EPHX1: variants seen among roughly 807,000 people sequenced by gnomAD.
EPHX1 encodes epoxide hydrolase 1.
A neutral mutation model predicts 43.2 loss-of-function variants in EPHX1; 40 were observed. The ratio of observed to expected loss-of-function variants is 0.93; its 90% CI spans 0.72 to 1.21. The LOEUF (loss-of-function observed/expected upper bound fraction) is 1.21, where lower values mean the gene tolerates loss of function less well. Among genes scored for constraint, EPHX1 ranks in the 50% most tolerant of loss-of-function variants. The probability of loss-of-function intolerance (pLI) is 0.00; values close to 1 mark genes in which losing one functional copy is unlikely to be tolerated. For missense variants in EPHX1, 550 were observed against 570.4 expected (o/e 0.96, Z 0.36); for synonymous variants, 221 against 226.7 (o/e 0.98, Z 0.22).
chr1:225,836,186 G>A (rs945494412), intron 3 of EPHX1, among the ~76,000 whole-genome samples: 1 of 152,224 alleles, frequency 6.6e-6, no homozygotes. Context: ...GCTCAGTGGT[G>A]TGTGAGTCCT....
chr1:225,840,899 A>G (rs549657877), intron 6 of EPHX1: 3 of 152,378 alleles, frequency 2.0e-5, no homozygotes, highest in African/African-American at 7.2e-5. Flanking sequence ...TAATAATGGC[A>G]CTTTATAAAA....
At chr1:225,821,313 C>T (rs373225749) in intron 1 of EPHX1, among the ~76,000 whole-genome samples, 2 of 151,566 alleles carry the variant, frequency 1.3e-5, no homozygotes, top group East Asian at 3.9e-4. Flanking sequence ...GGGGCAATCT[C>T]GGCTCACTGC....
At chr1:225,826,446 T>TAAAAAA (rs1667240103) in intron 1 of EPHX1, among the ~76,000 whole-genome samples, 2 of 14,390 alleles carry the variant, frequency 1.4e-4, no homozygotes, top group Admixed American at 7.8e-4. Context: ...AGACTCTGTC[T>TAAAAAA]CAAAAAAAAA....
rs557100177 is a variant in EPHX1, at chr1:225,828,892, A to G, written c.163A>G (p.Thr55Ala). Reference protein sequence around the residue: ...DDSIRPFKVETSDEEIHDLHQ... With the variant: ...DDSIRPFKVEASDEEIHDLHQ... ...CAGCATCCGCCCTTTCAAGGTGGAA[A>G]CGTCAGATGAGGAGATCCACGTAAG... Residue 55 changes from threonine (T) to alanine (A), a missense_variant, in exon 2 of 9, where the codon ACG (threonine) becomes GCG (alanine). Transcript: ENST00000272167. 3 of 1,584,842 alleles carry G rather than the reference A, an allele frequency of 1.9e-6. No homozygotes were observed. Among genetic ancestry groups the G allele is most frequent in the Non-Finnish European group, 2.6e-6 (3 of 1,162,938 alleles).
At position 225,826,447 on chromosome 1, in the gene EPHX1, C is replaced by CAAAAAAAAA. The variant is rs374232833; in HGVS notation, c.-5-2264_-5-2256dup. ...CACTGCACTCTTTGAGACTCTGTCTCAAAAAAAAAAAAAAAAAAAAAAGGG... is the reference window on the plus strand; with the variant it reads ...CACTGCACTCTTTGAGACTCTGTCTCAAAAAAAAAAAAAAAAAAAAAAAAAAAAAAAGGG... On this transcript the variant is annotated intron_variant, in intron 1 of 8. Transcript: ENST00000272167. Among the ~76,000 whole-genome samples, 457 of 84,044 alleles carry CAAAAAAAAA rather than the reference C, an allele frequency of 5.4e-3. 11 individuals carry two copies. The highest frequency in any genetic ancestry group is 0.011 in the African/African-American group (216 of 19,358). The allele number at this position is 84,044 out of a possible 152,430, so 55.1% of individuals were successfully genotyped here.
At chr1:225,821,565 C>CTTTT (rs869228485) in intron 1 of EPHX1, among the ~76,000 whole-genome samples, 60 of 69,826 alleles carry the variant, frequency 8.6e-4, no homozygotes, top group African/African-American at 3.1e-3. Context: ...TTTTTTGGTT[C>CTTTT]TTTTTTTTTT....
intron 1 of EPHX1, among the ~76,000 whole-genome samples, chr1:225,820,598 G>C (rs893225953): frequency 2.6e-5 from 4 of 152,110 alleles, no homozygotes; most frequent in Admixed American, 6.6e-5. Flanking sequence ...TGAGACTCTT[G>C]TGTTTTTTCA....
At position 225,839,031 on chromosome 1, in the gene EPHX1, A is replaced by G. The variant is rs1385463090; in HGVS notation, c.592+150A>G. On this transcript the variant is annotated intron_variant, in intron 4 of 8. Transcript: ENST00000272167. ...GGCCTGAGAGGCCGGCCCCAGACAC[A>G]CCGCCCTCCGGGGCTGGAGATGCCA... 2.3e-6 allele frequency: 3 copies of G among 1,316,266 alleles called. No homozygotes were observed. In the African/African-American group the frequency reaches 4.4e-5, roughly 19 times the overall value. The allele number at this position is 1,316,266 out of a possible 1,614,324, so 81.5% of individuals were successfully genotyped here. A position where few individuals can be genotyped will look rare whatever the true frequency, so the allele number is the denominator to read the frequency against.
chr1:225,845,440 C>T lies in EPHX1; in HGVS notation c.*93C>T. On this transcript the variant is annotated 3_prime_UTR_variant, in exon 9 of 9. Coordinates refer to ENST00000272167, the MANE Select transcript of EPHX1 (RefSeq NM_001136018.4). ...ACCCCTTTTCTGAGGAATGAGTTTG[C>T]CTCCGTCCCCTGCCCATGCTGGGAG... The T allele has an allele frequency of 7.4e-7, 1 of 1,348,902 alleles. No homozygotes were observed. The highest frequency in any genetic ancestry group is 1.0e-6 in the Non-Finnish European group (1 of 988,562). The allele number at this position is 1,348,902 out of a possible 1,614,324, so 83.6% of individuals were successfully genotyped here.
chr1:225,843,195 G>A (rs1668578295), intron 7 of EPHX1, among the ~76,000 whole-genome samples: 1 of 143,046 alleles, frequency 7.0e-6, no homozygotes, highest in Non-Finnish European at 1.5e-5. Context: ...GACTGTGAGA[G>A]TCCAGTGGAA....
At chr1:225,828,362 G>A (rs1279967271) in intron 1 of EPHX1, among the ~76,000 whole-genome samples, 1 of 151,326 alleles carries the variant, frequency 6.6e-6, no homozygotes, top group Admixed American at 6.6e-5. Context: ...AACAACATGA[G>A]GCCTCAGAAA....
chr1:225,821,388 A>G (rs1045556657), intron 1 of EPHX1, among the ~76,000 whole-genome samples: 1 of 148,992 alleles, frequency 6.7e-6, no homozygotes, highest in Admixed American at 6.7e-5. Context: ...TGGGACTACA[A>G]GTGCACACTA....
intron 2 of EPHX1, 22 bp downstream of exon 2, chr1:225,828,934 C>G: frequency 6.4e-7 from 1 of 1,555,022 alleles, no homozygotes; most frequent in Non-Finnish European, 8.7e-7. Flanking sequence ...TGGGCCGGGC[C>G]GGGCTGGGCA....
At chr1:225,816,597 T>C (rs1666733425) in intron 1 of EPHX1, among the ~76,000 whole-genome samples, 1 of 152,236 alleles carries the variant, frequency 6.6e-6, no homozygotes, top group Non-Finnish European at 1.5e-5. Context: ...ACTTAAAGTT[T>C]GTGTGGCCTT....
In EPHX1 at chr1:225,828,829, T is replaced by G. The variant is rs776831932; in HGVS notation, c.100T>G (p.Trp34Gly). 1.2e-6 allele frequency: 2 copies of G among 1,612,940 alleles called. No homozygotes were observed. Among genetic ancestry groups the G allele is most frequent in the Middle Eastern group, 1.7e-4 (1 of 6,038 alleles). The change falls in exon 2 of 9, where the codon TGG (tryptophan) becomes GGG (glycine). Residue 34 changes from tryptophan to glycine, a missense_variant. By Grantham distance (184) the Trp-to-Gly change is radical. Transcript: ENST00000272167. Reference sequence around the variant, plus strand: ...AACTTTGCCACTTGAAGATGGGTGGTGGGGGCCAGGCACGAGGTCCGCAGC... The same window carrying G: ...AACTTTGCCACTTGAAGATGGGTGGGGGGGGCCAGGCACGAGGTCCGCAGC... Reference protein sequence around the residue: ...EETLPLEDGWWGPGTRSAARE... With the variant: ...EETLPLEDGWGGPGTRSAARE...
At chr1:225,839,695 A>C in intron 5 of EPHX1, 134 bp from the exon 6 acceptor site, 1 of 1,019,192 alleles carries the variant, frequency 9.8e-7, no homozygotes, top group East Asian at 2.4e-5. Context: ...TGGCCTCCCC[A>C]GTGGGGCCAG....
At chr1:225,815,115 A>AAGGTTTCACTGT (rs1559014984) in intron 1 of EPHX1, among the ~76,000 whole-genome samples, 1 of 140,392 alleles carries the variant, frequency 7.1e-6, no homozygotes. Context: ...GTCGGGGCAC[A>AAGGTTTCACTGT]GCCACCAGGT....
At position 225,844,506 on chromosome 1, in the gene EPHX1, C is replaced by T. The variant is rs1435635071; in HGVS notation, c.1049C>T (p.Ser350Phe). 2 of 1,614,170 alleles carry T rather than the reference C, an allele frequency of 1.2e-6. No homozygotes were observed. The highest frequency in any genetic ancestry group is 2.2e-5 in the South Asian group (2 of 91,078). The part of the protein sequence containing the change: ...LEDGGLERKF[S>F]LDDLLTNVML... The stretch of plus-strand genomic sequence containing the variant: ...GTGTTCTGCGTTCCCAGGAAGTTCT[C>T]CCTGGACGACCTGCTGACCAACGTC... The change falls in exon 8 of 9, where the codon TCC becomes TTC. Residue 350 changes from serine to phenylalanine, a missense_variant. Transcript: ENST00000272167.
At chr1:225,828,066 TCGGGCGC>T in intron 1 of EPHX1, among the ~76,000 whole-genome samples, 1 of 152,216 alleles carries the variant, frequency 6.6e-6, no homozygotes, top group South Asian at 2.1e-4. Context: ...CATGAGGCTG[TCGGGCGC>T]CGTGGCTCAC....
Sources: allele counts gnomAD v4.1 joint callset (sites outside exome capture counted in the v4.1 genomes callset), GRCh38; gene constraint gnomAD v4.1.1; transcripts MANE v1.5; gene names NCBI Gene and HGNC (gene_info 2026-07-23, HGNC 2026-07-21).